Variants in ITPR1 observed in about 807,000 individuals in gnomAD.
ITPR1 encodes the protein inositol 1,4,5-trisphosphate receptor type 1, also known as inositol 1,4,5-trisphosphate-gated calcium channel ITPR1.
In ITPR1, 96 loss-of-function variants were observed where a neutral mutation model predicts 318.4. The observed-to-expected ratio is 0.30, with a 90% CI of 0.26 to 0.36. The LOEUF is 0.36. Ranked by LOEUF, ITPR1 falls within the 10% of genes least tolerant of loss-of-function variation. The pLI, the probability that ITPR1 is intolerant of heterozygous loss-of-function variation, is 1.00. For synonymous variants in ITPR1, 1,312 were observed against 1,289.9 expected, an observed-to-expected ratio of 1.02 and a Z score of -0.37; for missense variants, 2,440 against 3,460.2, an observed-to-expected ratio of 0.71 and a Z score of 7.40.
At chr3:4,592,792 G>A (rs1404983132) in intron 4 of ITPR1, among the ~76,000 whole-genome samples, 1 of 152,198 alleles carries the variant, frequency 6.6e-6, no homozygotes, top group Non-Finnish European at 1.5e-5. Flanking sequence ...AGGCAGTGAG[G>A]TCTTAGCACT....
intron 13 of ITPR1, 99 bp from the exon 14 acceptor site, chr3:4,660,889 C>T (rs1326474751): frequency 6.6e-6 from 4 of 606,176 alleles, no homozygotes; most frequent in Non-Finnish European, 1.1e-5. Flanking sequence ...TAGGAAACCA[C>T]TTTGCTATTT....
chr3:4,806,270 G>A lies in ITPR1; in HGVS notation c.7272+3G>A, dbSNP rs767350944. 6.2e-6 allele frequency: 10 copies of A among 1,613,512 alleles called. No individual in the cohort carries two copies. Among genetic ancestry groups the A allele is most frequent in the African/African-American group, 1.3e-5 (1 of 75,028 alleles). On this transcript the variant is annotated splice_donor_region_variant and intron_variant, in intron 55 of 61. Coordinates refer to ENST00000649015, the MANE Select transcript of ITPR1 (RefSeq NM_001378452.1). ...ATGAATTCTTCTACAGTCTGCTGGT[G>A]AGTACCTGGTGTGGAAATATTTTAT... is the stretch of plus-strand genomic sequence containing the variant.
chr3:4,574,985 G>A (rs963323669), intron 4 of ITPR1, among the ~76,000 whole-genome samples: 4 of 152,254 alleles, frequency 2.6e-5, no homozygotes, highest in Non-Finnish European at 4.4e-5. Context: ...TAGAGTGCAA[G>A]TGATGCTTGG....
At chr3:4,641,360 A>G (rs1221508833) in intron 6 of ITPR1, among the ~76,000 whole-genome samples, 1 of 152,160 alleles carries the variant, frequency 6.6e-6, no homozygotes, top group African/African-American at 2.4e-5. Context: ...ACAATCCCCT[A>G]AAGGGGTTGC....
chr3:4,781,241 G>C (rs946273641), intron 49 of ITPR1, among the ~76,000 whole-genome samples: 1 of 152,186 alleles, frequency 6.6e-6, no homozygotes, highest in Non-Finnish European at 1.5e-5. Flanking sequence ...ATAATTCATG[G>C]GAATGGCCTC....
intron 44 of ITPR1, among the ~76,000 whole-genome samples, chr3:4,743,785 C>T (rs1290910521): frequency 2.0e-5 from 3 of 152,194 alleles, no homozygotes; most frequent in African/African-American, 7.2e-5. Flanking sequence ...TGTTAATCTC[C>T]TTCCTTTCTG....
chr3:4,783,168 C>T (rs563392976), intron 50 of ITPR1, among the ~76,000 whole-genome samples: 1 of 152,198 alleles, frequency 6.6e-6, no homozygotes, highest in Non-Finnish European at 1.5e-5. Context: ...CTTTTGTTTC[C>T]CTTTTTGGGG....
chr3:4,580,433 A>G (rs1346120582), intron 4 of ITPR1, among the ~76,000 whole-genome samples: 1 of 152,074 alleles, frequency 6.6e-6, no homozygotes, highest in Non-Finnish European at 1.5e-5. Context: ...GGACAGGAGA[A>G]CCCCACAGAT....
intron 44 of ITPR1, among the ~76,000 whole-genome samples, chr3:4,762,392 A>C (rs1442787652): frequency 6.6e-6 from 1 of 152,194 alleles, no homozygotes; most frequent in African/African-American, 2.4e-5. Context: ...GCAGATGAGA[A>C]GATTCGAGTT....
chr3:4,617,086 A>T (rs562367166), intron 4 of ITPR1, among the ~76,000 whole-genome samples: 2 of 152,140 alleles, frequency 1.3e-5, no homozygotes, highest in Non-Finnish European at 2.9e-5. Flanking sequence ...TACATGTTAT[A>T]GGTTATACAT....
chr3:4,584,142 A>T (rs1057146471), intron 4 of ITPR1, among the ~76,000 whole-genome samples: 1 of 152,168 alleles, frequency 6.6e-6, no homozygotes, highest in Non-Finnish European at 1.5e-5. Flanking sequence ...TGAAGCTCAC[A>T]GTTTATTATT....
chr3:4,798,931 G>A (rs1391702619), intron 53 of ITPR1, among the ~76,000 whole-genome samples: 4 of 152,186 alleles, frequency 2.6e-5, no homozygotes, highest in Non-Finnish European at 4.4e-5. Flanking sequence ...TGGGGGTAGG[G>A]ATGGGGCAAG....
At chr3:4,514,087 A>C (rs574635194) in intron 2 of ITPR1, among the ~76,000 whole-genome samples, 3 of 146,378 alleles carry the variant, frequency 2.0e-5, no homozygotes, top group Non-Finnish European at 4.5e-5. Context: ...ACTCTGTCTA[A>C]AAAAAAAAAA....
intron 40 of ITPR1, among the ~76,000 whole-genome samples, chr3:4,719,131 T>C (rs1016129428): frequency 3.9e-5 from 6 of 152,226 alleles, no homozygotes; most frequent in African/African-American, 1.4e-4. Flanking sequence ...TATGGAAAGA[T>C]TCCACAGTTG....
chr3:4,691,830 A>G (rs184291104), intron 32 of ITPR1, among the ~76,000 whole-genome samples: 59 of 152,298 alleles, frequency 3.9e-4, no homozygotes, highest in African/African-American at 1.4e-3. Context: ...GTCTACGTAT[A>G]TGGTTCCATT....
intron 4 of ITPR1, among the ~76,000 whole-genome samples, chr3:4,607,540 A>G (rs1388870674): frequency 6.6e-6 from 1 of 152,146 alleles, no homozygotes; most frequent in East Asian, 1.9e-4. Context: ...AGAGTTTTAT[A>G]CACATAGTGC....
chr3:4,699,784 A>G, intron 34 of ITPR1, 29 bp from the exon 35 acceptor site: 8 of 1,610,032 alleles, frequency 5.0e-6, no homozygotes, highest in Non-Finnish European at 6.8e-6. Flanking sequence ...GTTTTGGTGT[A>G]ATGCTTAACA....
rs139488743 is a variant in ITPR1, at chr3:4,563,874, G to A, written c.163+42780G>A. On this transcript the variant is annotated intron_variant, in intron 4 of 61. Transcript: ENST00000649015. ...TTGCTGCAACAAAGCACCACAAGCTGAATGGCTTGAACGACAGAAATTTAT... is the reference window on the plus strand; with the variant it reads ...TTGCTGCAACAAAGCACCACAAGCTAAATGGCTTGAACGACAGAAATTTAT... Among the ~76,000 whole-genome samples the A allele has an allele frequency of 2.6e-5, 4 of 152,200 alleles. No homozygotes were observed. In the East Asian group the frequency reaches 7.7e-4, roughly 29 times the overall value.
chr3:4,697,355 G>T, intron 34 of ITPR1, 83 bp downstream of exon 34: 2 of 521,738 alleles, frequency 3.8e-6, no homozygotes, highest in Non-Finnish European at 2.7e-6. Flanking sequence ...TGTGTGTGTA[G>T]CATCTTTGTG....
Sources: allele counts gnomAD v4.1 joint callset (sites outside exome capture counted in the v4.1 genomes callset), GRCh38; gene constraint gnomAD v4.1.1; transcripts MANE v1.5; gene names NCBI Gene and HGNC (gene_info 2026-07-23, HGNC 2026-07-21).